Variants in TMEM38A observed in about 807,000 individuals in gnomAD.
TMEM38A encodes the protein trimeric intracellular cation channel type A.
In TMEM38A, 17 loss-of-function variants were observed where a neutral mutation model predicts 28.6. The ratio of observed to expected loss-of-function variants is 0.60; its 90% CI spans 0.41 to 0.89. The LOEUF is 0.89. Among genes scored for constraint, TMEM38A ranks in the 40% least tolerant of loss-of-function variants. The pLI, the probability that TMEM38A is intolerant of heterozygous loss-of-function variation, is 0.00. For synonymous variants in TMEM38A, 169 were observed against 166.1 expected (o/e 1.02, Z -0.14); for missense variants, 328 against 393.1 (o/e 0.83, Z 1.40).
At chr19:16,671,550 G>C (rs757046008) in intron 1 of TMEM38A, among the ~76,000 whole-genome samples, 1 of 151,634 alleles carries the variant, frequency 6.6e-6, no homozygotes, top group African/African-American at 2.4e-5. Context: ...TAAGGCTTGG[G>C]GGGGCAGGCA....
chr19:16,670,887 C>G (rs1482006232), intron 1 of TMEM38A, among the ~76,000 whole-genome samples: 1 of 151,992 alleles, frequency 6.6e-6, no homozygotes, highest in Non-Finnish European at 1.5e-5. Context: ...TGCATCAAGC[C>G]AAGATCGCAC....
chr19:16,671,020 G>A (rs1051559221), intron 1 of TMEM38A, among the ~76,000 whole-genome samples: 4 of 152,020 alleles, frequency 2.6e-5, no homozygotes, highest in South Asian at 2.1e-4. Flanking sequence ...ACCCTAGACC[G>A]CCTCCCCCTC....
intron 1 of TMEM38A, among the ~76,000 whole-genome samples, chr19:16,666,335 T>G (rs1450928971): frequency 1.3e-5 from 2 of 151,962 alleles, no homozygotes; most frequent in East Asian, 1.9e-4. Context: ...CAGGGTGGTC[T>G]CAAATTCCTG....
At chr19:16,669,352 G>T (rs1032988689) in intron 1 of TMEM38A, among the ~76,000 whole-genome samples, 17 of 151,068 alleles carry the variant, frequency 1.1e-4, no homozygotes, top group African/African-American at 3.7e-4. Context: ...GATTACAGGT[G>T]CCCGCCACCA....
At chr19:16,664,799 G>A (rs1446190917) in intron 1 of TMEM38A, among the ~76,000 whole-genome samples, 3 of 151,824 alleles carry the variant, frequency 2.0e-5, no homozygotes, top group African/African-American at 7.3e-5. Context: ...GAGCTGCAGC[G>A]AGCTATGATC....
chr19:16,677,513 T>G (rs975058066), intron 1 of TMEM38A, among the ~76,000 whole-genome samples: 4 of 148,632 alleles, frequency 2.7e-5, no homozygotes, highest in Admixed American at 2.7e-4. Flanking sequence ...TAGAAAAAAT[T>G]TTTTGTAGAG....
At chr19:16,667,717 C>T (rs145017008) in intron 1 of TMEM38A, among the ~76,000 whole-genome samples, 13 of 151,768 alleles carry the variant, frequency 8.6e-5, no homozygotes, top group African/African-American at 2.2e-4. Context: ...AAATTAGCCA[C>T]GCATGGTGGT....
At chr19:16,666,263 G>A (rs1298181303) in intron 1 of TMEM38A, among the ~76,000 whole-genome samples, 1 of 151,920 alleles carries the variant, frequency 6.6e-6, no homozygotes. Context: ...ACAGACATCA[G>A]CCATTGCGCC....
At chr19:16,662,492 C>A (rs1006212192) in intron 1 of TMEM38A, among the ~76,000 whole-genome samples, 1 of 119,550 alleles carries the variant, frequency 8.4e-6, no homozygotes, top group East Asian at 2.4e-4. Flanking sequence ...TTCGCTCTGT[C>A]GCCCAGGCTG....
intron 1 of TMEM38A, among the ~76,000 whole-genome samples, chr19:16,668,836 T>C (rs1382873175): frequency 7.0e-6 from 1 of 143,454 alleles, no homozygotes; most frequent in Non-Finnish European, 1.5e-5. Flanking sequence ...TTCTTTCTTT[T>C]TTTTTTTTTT....
At chr19:16,669,968 T>C (rs1379862326) in intron 1 of TMEM38A, among the ~76,000 whole-genome samples, 1 of 151,830 alleles carries the variant, frequency 6.6e-6, no homozygotes, top group Admixed American at 6.6e-5. Context: ...TTATTTTTAT[T>C]TTATTATTTT....
At chr19:16,665,868 GCACGATCTCA>G (rs2086700863) in intron 1 of TMEM38A, among the ~76,000 whole-genome samples, 1 of 151,376 alleles carries the variant, frequency 6.6e-6, no homozygotes, top group South Asian at 2.1e-4. Context: ...GAGTGCAGTG[GCACGATCTCA>G]GCTCACTGCA....
In TMEM38A at chr19:16,661,292, C is replaced by A. The variant is rs775502907; in HGVS notation, c.75C>A (p.Phe25Leu). 4.4e-6 allele frequency: 7 copies of A among 1,599,932 alleles called. No individual in the cohort carries two copies. In the South Asian group the frequency reaches 5.6e-5, roughly 13 times the overall value. ...SFSRVPLFPV[F>L]DLSYFIVSIL... ...CGCGGGTGCCGCTCTTCCCCGTCTT[C>A]GACCTCAGTTACTTCATCGTCTCCA... Residue 25 changes from phenylalanine (F) to leucine (L), a missense_variant, in exon 1 of 6, where the codon TTC becomes TTA. Physicochemically the swap from Phe to Leu is conservative, Grantham distance 22. Transcript: ENST00000187762. The surrounding 1 kb of genome is among the most constrained non-coding windows in gnomAD (Gnocchi z 6.5).
chr19:16,688,062 C>T, intron 5 of TMEM38A, 82 bp from the exon 6 acceptor site: 2 of 1,023,050 alleles, frequency 2.0e-6, no homozygotes, highest in Non-Finnish European at 2.7e-6. Context: ...CCCTCTTCTC[C>T]CCACCCTGCC....
intron 1 of TMEM38A, among the ~76,000 whole-genome samples, chr19:16,671,851 A>C (rs572716191): frequency 6.6e-6 from 1 of 152,356 alleles, no homozygotes; most frequent in African/African-American, 2.4e-5. Context: ...CCCTGGGATG[A>C]TCCCAGAGGG....
chr19:16,669,472 G>T (rs1324341725), intron 1 of TMEM38A, among the ~76,000 whole-genome samples: 1 of 152,146 alleles, frequency 6.6e-6, no homozygotes, highest in Non-Finnish European at 1.5e-5. Flanking sequence ...CTCCCAAAGT[G>T]CTGGGATTAC....
intron 5 of TMEM38A, 82 bp downstream of exon 5, chr19:16,686,487 C>A: frequency 1.8e-6 from 2 of 1,127,728 alleles, no homozygotes; most frequent in Non-Finnish European, 2.6e-6. Flanking sequence ...GGAAATTGGA[C>A]ACTCCCAGCC....
chr19:16,684,798 G>A (rs1318353448), intron 4 of TMEM38A, among the ~76,000 whole-genome samples: 1 of 151,498 alleles, frequency 6.6e-6, no homozygotes, highest in Non-Finnish European at 1.5e-5. Context: ...CAGCACTGTG[G>A]GAGGCCGAGA....
At chr19:16,679,796 C>G (rs1338865060) in intron 1 of TMEM38A, among the ~76,000 whole-genome samples, 188 bp from the exon 2 acceptor site, 1 of 152,218 alleles carries the variant, frequency 6.6e-6, no homozygotes, top group South Asian at 2.1e-4. Flanking sequence ...CCACTCGGCT[C>G]TCTATTTTCT....
Sources: allele counts gnomAD v4.1 joint callset (sites outside exome capture counted in the v4.1 genomes callset), GRCh38; gene constraint gnomAD v4.1.1; non-coding constraint Gnocchi (gnomAD v3.1); transcripts MANE v1.5; gene names NCBI Gene and HGNC (gene_info 2026-07-23, HGNC 2026-07-21).